Variants in RPN1 observed in about 807,000 individuals in gnomAD.
The protein encoded by RPN1 is dolichyl-diphosphooligosaccharide--protein glycosyltransferase subunit 1.
In RPN1, 12 loss-of-function variants were observed where a neutral mutation model predicts 55.5. That is an observed-to-expected ratio of 0.22 (90% CI 0.14 to 0.35). RPN1 has a LOEUF of 0.35. Ranked by LOEUF, RPN1 falls within the 10% of genes least tolerant of loss-of-function variation. The pLI, the probability that RPN1 is intolerant of heterozygous loss-of-function variation, is 1.00. For synonymous variants in RPN1, 317 were observed against 305.9 expected, an observed-to-expected ratio of 1.04 and a Z score of -0.38; for missense variants, 679 against 761.3, an observed-to-expected ratio of 0.89 and a Z score of 1.27.
intron 3 of RPN1, among the ~76,000 whole-genome samples, chr3:128,635,656 T>TAG (rs1559755873): frequency 5.2e-4 from 51 of 98,280 alleles, no homozygotes; most frequent in African/African-American, 1.9e-3. Context: ...TATATATATA[T>TAG]ATATATATAG....
At chr3:128,626,891 G>C in intron 5 of RPN1, 59 bp from the exon 6 acceptor site, 1 of 1,479,006 alleles carries the variant, frequency 6.8e-7, no homozygotes, top group Non-Finnish European at 9.4e-7. Flanking sequence ...GGGCAGGAGA[G>C]AAAGAAGTAC....
chr3:128,629,214 C>CTAT (rs1484363622), intron 5 of RPN1, among the ~76,000 whole-genome samples: 1 of 152,026 alleles, frequency 6.6e-6, no homozygotes, highest in Non-Finnish European at 1.5e-5. Context: ...ATTCACTGAG[C>CTAT]TATACATTTT....
At chr3:128,633,572 C>G (rs368908064) in intron 3 of RPN1, among the ~76,000 whole-genome samples, 9 of 152,066 alleles carry the variant, frequency 5.9e-5, no homozygotes, top group African/African-American at 2.2e-4. Context: ...TTCAGAAAAT[C>G]CTGAGAATAC....
intron 5 of RPN1, 103 bp from the exon 6 acceptor site, chr3:128,626,935 C>A: frequency 1.9e-6 from 2 of 1,026,824 alleles, no homozygotes; most frequent in South Asian, 1.3e-5. Context: ...AAGTAGACAG[C>A]AAAACCAAAA....
rs367651108 is a variant in RPN1 at position 128,620,015 on chromosome 3, TAAA to T, written c.*393_*395del. The T allele has an allele frequency of 2.2e-4, 39 of 178,642 alleles. No homozygotes were observed. Among genetic ancestry groups the T allele is most frequent in the Non-Finnish European group, 3.1e-4 (28 of 89,590 alleles). The allele number at this position is 178,642 out of a possible 1,614,324, so 11.1% of individuals were successfully genotyped here. The stretch of plus-strand genomic sequence containing the variant: ...TATTTCCATTTGTTCACACACGCTT[TAAA>T]AAAAAAAAAAAAAACACATGCACTC... On this transcript the variant is annotated 3_prime_UTR_variant, in exon 10 of 10. Coordinates refer to ENST00000296255, the MANE Select transcript of RPN1 (RefSeq NM_002950.4).
In RPN1 at chr3:128,632,175, A is replaced by T; in HGVS notation, c.634-18T>A. 6.2e-7 allele frequency: 1 copy of T among 1,613,114 alleles called. No individual in the cohort carries two copies. ...AAAGTATCCTGGAAGGAAGGAAACAAATAGTTCAAAGTTTTGGCAACAGAG... is the reference window on the plus strand; with the variant it reads ...AAAGTATCCTGGAAGGAAGGAAACATATAGTTCAAAGTTTTGGCAACAGAG... On this transcript the variant is annotated intron_variant, in intron 3 of 9. Coordinates refer to ENST00000296255, the MANE Select transcript of RPN1 (RefSeq NM_002950.4).
At chr3:128,644,821 G>A in intron 2 of RPN1, 98 bp downstream of exon 2, 1 of 745,502 alleles carries the variant, frequency 1.3e-6, no homozygotes, top group Non-Finnish European at 2.4e-6. Context: ...TAATAAAGCA[G>A]GCACTTCCTA....
In RPN1 at chr3:128,635,690, T is replaced by TACAC. The variant is rs71153135; in HGVS notation, c.633+2105_633+2108dup. ...AGATATCTATAGATATCTATAGATA[T>TACAC]ACACACACACACACACACACACACA... On this transcript the variant is annotated intron_variant, in intron 3 of 9. Transcript: ENST00000296255. Among the ~76,000 whole-genome samples, 477 of 138,264 alleles carry TACAC rather than the reference T, an allele frequency of 3.4e-3. 6 individuals are homozygous for TACAC. The highest frequency in any genetic ancestry group is 0.012 in the African/African-American group (443 of 36,748). 90.7% of individuals were successfully genotyped at this position (138,264 alleles called of 152,430 possible).
chr3:128,620,720 C>A, intron 9 of RPN1, 127 bp from the exon 10 acceptor site: 1 of 987,842 alleles, frequency 1.0e-6, no homozygotes, highest in South Asian at 1.6e-5. Flanking sequence ...CAGCCAACAG[C>A]ACAGTGTCCC....
In RPN1 at chr3:128,620,083, A is replaced by G. The variant is rs935907876; in HGVS notation, c.*328T>C. On this transcript the variant is annotated 3_prime_UTR_variant, in exon 10 of 10. Transcript: ENST00000296255. ...CATCAGAATTAGAAGGGCATAAAAC[A>G]GGGGGCTTTATAGGCTGAAAAATAT... The G allele has an allele frequency of 2.0e-5, 5 of 247,134 alleles. No individual in the cohort carries two copies. Among genetic ancestry groups the G allele is most frequent in the East Asian group, 1.2e-4 (2 of 16,692 alleles). The allele number at this position is 247,134 out of a possible 1,614,324, so 15.3% of individuals were successfully genotyped here.
rs2107714142 is a variant in RPN1, at chr3:128,626,717, G to C, written c.1136+16C>G. The C allele has an allele frequency of 1.2e-6, 2 of 1,610,418 alleles. No individual in the cohort carries two copies. The highest frequency in any genetic ancestry group is 2.2e-5 in the South Asian group (2 of 91,024). ...CAGAGAAATCGGGTGCAAAGGAGAG[G>C]AACAGTCACACTCACTTGGCTCCTT... On this transcript the variant is annotated intron_variant, in intron 6 of 9. Coordinates refer to ENST00000296255, the MANE Select transcript of RPN1 (RefSeq NM_002950.4).
At chr3:128,643,845 C>T (rs1156866647) in intron 2 of RPN1, among the ~76,000 whole-genome samples, 1 of 151,938 alleles carries the variant, frequency 6.6e-6, no homozygotes, top group Non-Finnish European at 1.5e-5. Flanking sequence ...CGCCTGTAAT[C>T]CCAGATACTC....
intron 3 of RPN1, among the ~76,000 whole-genome samples, chr3:128,636,701 G>A (rs1170488121): frequency 6.6e-6 from 1 of 151,998 alleles, no homozygotes. Context: ...CTACAGGAGT[G>A]TGTCACCATG....
rs1369138221 is a variant in RPN1, at chr3:128,650,742, G to C, written c.59C>G (p.Ala20Gly). The C allele has an allele frequency of 1.3e-6, 2 of 1,553,494 alleles. No homozygotes were observed. Among genetic ancestry groups the C allele is most frequent in the Admixed American group, 3.9e-5 (2 of 51,326 alleles). Residue 20 changes from alanine (A) to glycine (G), a missense_variant, in exon 1 of 10, where the codon GCG (alanine) becomes GGG (glycine). By Grantham distance (60) the Ala-to-Gly change is moderately conservative (BLOSUM62 0). This residue lies in a region of RPN1 where 352 missense variants were observed against 352.8 expected (regional missense o/e 1.00). Transcript: ENST00000296255. ...LLLLLGTWAP[A>G]PGSASSEAPP... ...TGCCTCGGAGGAGGCGCTGCCCGGC[G>C]CCGGGGCCCAAGTCCCAAGCAACAG...
intron 2 of RPN1, chr3:128,644,416 A>G (rs1248477930): frequency 1.1e-5 from 3 of 284,846 alleles, no homozygotes; most frequent in Non-Finnish European, 1.4e-5. Flanking sequence ...TCTGGGAGGC[A>G]AAGAACTGCT....
At chr3:128,638,132 T>G (rs1289844922) in intron 2 of RPN1, 27 bp from the exon 3 acceptor site, 1 of 1,563,342 alleles carries the variant, frequency 6.4e-7, no homozygotes, top group Non-Finnish European at 8.8e-7. Flanking sequence ...GCAAGAGAAG[T>G]AAGAGAGACT....
chr3:128,637,671 T>G (rs1216092300), intron 3 of RPN1, 128 bp downstream of exon 3: 1 of 938,728 alleles, frequency 1.1e-6, no homozygotes, highest in Non-Finnish European at 1.6e-6. Flanking sequence ...TTAAACACTT[T>G]TGGGATGACC....
chr3:128,622,276 G>GCA lies in RPN1; in HGVS notation c.1528_1529insTG (p.Ser510LeufsTer18). ...GCTCTTCTTGCCACTGTTGAGGGTG[G>GCA]AGATGTCCCGGGATTGCTTGTACCT... On this transcript the variant is annotated frameshift_variant, in exon 9 of 10. Transcript: ENST00000296255. LOFTEE classifies it high-confidence loss of function. The GCA allele has an allele frequency of 6.2e-7, 1 of 1,614,226 alleles. No individual in the cohort carries two copies. Among genetic ancestry groups the GCA allele is most frequent in the Non-Finnish European group, 8.5e-7 (1 of 1,180,046 alleles).
rs1461344214 is a variant in RPN1 at position 128,620,325 on chromosome 3, C to G, written c.*86G>C. The stretch of plus-strand genomic sequence containing the variant: ...TACAGATGTCAGCTTTCACTGGCCT[C>G]CATGCACAACCTCCCACTACCACCC... On this transcript the variant is annotated 3_prime_UTR_variant, in exon 10 of 10. Coordinates refer to ENST00000296255, the MANE Select transcript of RPN1 (RefSeq NM_002950.4). The G allele has an allele frequency of 3.1e-6, 4 of 1,294,868 alleles. No homozygotes were observed. In the East Asian group the frequency reaches 9.7e-5, roughly 32 times the overall value. The allele number at this position is 1,294,868 out of a possible 1,614,324, so 80.2% of individuals were successfully genotyped here. A position where few individuals can be genotyped will look rare whatever the true frequency, so the allele number is the denominator to read the frequency against.
Sources: allele counts gnomAD v4.1 joint callset (sites outside exome capture counted in the v4.1 genomes callset), GRCh38; gene constraint gnomAD v4.1.1; regional missense constraint gnomAD v4.1.1; transcripts MANE v1.5; gene names NCBI Gene and HGNC (gene_info 2026-07-23, HGNC 2026-07-21).